Variants in INPP4B observed in about 807,000 individuals in gnomAD.
INPP4B encodes inositol polyphosphate 4-phosphatase type II.
A neutral mutation model predicts 122.5 loss-of-function variants in INPP4B; 55 were observed. That is an observed-to-expected ratio of 0.45 (90% CI 0.36 to 0.56). The LOEUF is 0.56. INPP4B is among the 20% of genes least tolerant of loss of function. INPP4B has a pLI of 0.00. For missense variants in INPP4B, 1,000 were observed against 1,097.7 expected (o/e 0.91, Z 1.26); for synonymous variants, 403 against 388.7 (o/e 1.04, Z -0.43).
At chr4:142,512,786 T>A (rs1824907916) in intron 2 of INPP4B, among the ~76,000 whole-genome samples, 1 of 152,196 alleles carries the variant, frequency 6.6e-6, no homozygotes. Context: ...AAATTGTTGA[T>A]CTATTTCAAA....
chr4:142,116,012 C>G (rs777053082), intron 21 of INPP4B, among the ~76,000 whole-genome samples: 1 of 152,080 alleles, frequency 6.6e-6, no homozygotes, highest in East Asian at 1.9e-4. Context: ...GGTTGCAATC[C>G]TAGTCTCTGA....
At chr4:142,061,757 T>TAAAC (rs1760742131) in intron 25 of INPP4B, among the ~76,000 whole-genome samples, 1 of 151,104 alleles carries the variant, frequency 6.6e-6, no homozygotes, top group Non-Finnish European at 1.5e-5. Context: ...TTAAAGAATT[T>TAAAC]TTATATATTG....
At chr4:142,330,271 C>T (rs1773956531) in intron 7 of INPP4B, among the ~76,000 whole-genome samples, 1 of 152,100 alleles carries the variant, frequency 6.6e-6, no homozygotes, top group Non-Finnish European at 1.5e-5. Flanking sequence ...TTTCTAGCAC[C>T]AAGAGGCCTA....
chr4:142,374,376 T>A (rs546979642), intron 7 of INPP4B, among the ~76,000 whole-genome samples: 42 of 152,054 alleles, frequency 2.8e-4, no homozygotes, highest in African/African-American at 9.9e-4. Flanking sequence ...CTTTCAGTCA[T>A]CTAGATTTCT....
At chr4:142,186,141 T>G (rs1414605799) in intron 15 of INPP4B, among the ~76,000 whole-genome samples, 1 of 152,164 alleles carries the variant, frequency 6.6e-6, no homozygotes, top group Non-Finnish European at 1.5e-5. Flanking sequence ...TGCACTAAAT[T>G]GAGAAACTGC....
At chr4:142,349,112 C>A (rs1033751255) in intron 7 of INPP4B, among the ~76,000 whole-genome samples, 12 of 151,980 alleles carry the variant, frequency 7.9e-5, no homozygotes, top group Non-Finnish European at 1.3e-4. Flanking sequence ...ATCATCATGG[C>A]AATGGTCATT....
intron 2 of INPP4B, among the ~76,000 whole-genome samples, chr4:142,646,695 G>A (rs919084737): frequency 1.3e-5 from 2 of 152,150 alleles, no homozygotes; most frequent in Non-Finnish European, 2.9e-5. Context: ...AACAGGAATT[G>A]CAACAAAGAA....
At chr4:142,840,369 C>A (rs553788893) in intron 1 of INPP4B, among the ~76,000 whole-genome samples, 4 of 152,222 alleles carry the variant, frequency 2.6e-5, no homozygotes, top group Middle Eastern at 3.4e-3. Context: ...ATGGTTAATA[C>A]AATATCTATT....
At chr4:142,495,500 T>C (rs1444341843) in intron 2 of INPP4B, among the ~76,000 whole-genome samples, 1 of 151,956 alleles carries the variant, frequency 6.6e-6, no homozygotes, top group African/African-American at 2.4e-5. Context: ...AAATAGTGAG[T>C]TGATAAATGG....
At chr4:142,591,697 C>T (rs1274090598) in intron 2 of INPP4B, among the ~76,000 whole-genome samples, 1 of 152,122 alleles carries the variant, frequency 6.6e-6, no homozygotes. Context: ...ACATGATCCT[C>T]AACAGCGCTA....
chr4:142,027,937 C>A lies in INPP4B; in HGVS notation c.*845G>T, dbSNP rs1737538547. The A allele has an allele frequency of 1.1e-5, 2 of 185,338 alleles. No homozygotes were observed. Among genetic ancestry groups the A allele is most frequent in the South Asian group, 2.0e-4 (1 of 5,116 alleles). The allele number at this position is 185,338 out of a possible 1,614,324, so 11.5% of individuals were successfully genotyped here. A position where few individuals can be genotyped will look rare whatever the true frequency, so the allele number is the denominator to read the frequency against. On this transcript the variant is annotated 3_prime_UTR_variant, in exon 26 of 26. Transcript: ENST00000262992. ...ACTGCTAAGAAACATCTCAGAGATA[C>A]CTCACTGACATTCATGAACTTCACA...
At chr4:142,183,732 ATGT>A (rs1201232881) in intron 15 of INPP4B, among the ~76,000 whole-genome samples, 2 of 152,232 alleles carry the variant, frequency 1.3e-5, no homozygotes, top group East Asian at 1.9e-4. Flanking sequence ...ATGGTTTAAA[ATGT>A]TGTTTCAGTT....
chr4:142,135,884 CCGCCCAGGTTCA>C (rs143302289), intron 18 of INPP4B, among the ~76,000 whole-genome samples: 17,630 of 152,074 alleles, frequency 0.12, 1,590 homozygotes, highest in African/African-American at 0.25. Context: ...GCTAGCTCCC[CCGCCCAGGTTCA>C]CGCCATTCTC....
At position 142,755,783 on chromosome 4, in the gene INPP4B, T is replaced by G. The variant is rs115986164; in HGVS notation, c.-253-29882A>C. 9.2e-3 allele frequency among the ~76,000 whole-genome samples: 1,400 copies of G among 152,188 alleles called. 25 individuals are homozygous for G. Among genetic ancestry groups the G allele is most frequent in the African/African-American group, 0.031 (1,302 of 41,554 alleles). ...CTTTAAAAAAAGCCAGAATCTCTAT[T>G]TGGAGAACATTTTTAGTAGCATAAT... On this transcript the variant is annotated intron_variant, in intron 1 of 25. Coordinates refer to ENST00000262992, the MANE Select transcript of INPP4B (RefSeq NM_001101669.3).
chr4:142,815,643 G>A (rs1780030308), intron 1 of INPP4B, among the ~76,000 whole-genome samples: 1 of 151,990 alleles, frequency 6.6e-6, no homozygotes, highest in Non-Finnish European at 1.5e-5. Flanking sequence ...GTTGTCATTA[G>A]ATTTTTACTC....
intron 1 of INPP4B, among the ~76,000 whole-genome samples, chr4:142,769,744 A>G (rs1352446385): frequency 6.6e-6 from 1 of 151,792 alleles, no homozygotes; most frequent in Non-Finnish European, 1.5e-5. Flanking sequence ...GTAAAACCCC[A>G]TCTCTACTAA....
intron 17 of INPP4B, among the ~76,000 whole-genome samples, chr4:142,152,257 A>G (rs1814562060): frequency 6.6e-6 from 1 of 150,716 alleles, no homozygotes; most frequent in Non-Finnish European, 1.5e-5. Context: ...TTGTATTTTT[A>G]GTAGAGACGG....
intron 2 of INPP4B, among the ~76,000 whole-genome samples, chr4:142,602,348 AC>A (rs2150302944): frequency 6.6e-6 from 1 of 152,290 alleles, no homozygotes; most frequent in South Asian, 2.1e-4. Context: ...AAATAGAAAA[AC>A]ATTCCATGCT....
intron 1 of INPP4B, among the ~76,000 whole-genome samples, chr4:142,762,260 G>A (rs1315499117): frequency 1.3e-5 from 2 of 152,096 alleles, no homozygotes; most frequent in Non-Finnish European, 2.9e-5. Context: ...TAATACTAGA[G>A]TGGAGAAATA....
Sources: allele counts gnomAD v4.1 joint callset (sites outside exome capture counted in the v4.1 genomes callset), GRCh38; gene constraint gnomAD v4.1.1; transcripts MANE v1.5; gene names NCBI Gene and HGNC (gene_info 2026-07-23, HGNC 2026-07-21).